The following PKIB variants were observed in gnomAD, a reference collection of about 807,000 sequenced individuals.
PKIB encodes cAMP-dependent protein kinase inhibitor beta.
PKIB carries 2 observed loss-of-function variants against 4.5 expected under a neutral mutation model. The observed-to-expected ratio is 0.44, with a 90% CI of 0.18 to 1.39. PKIB has a LOEUF of 1.39. Ranked by LOEUF, PKIB falls within the 40% of genes most tolerant of loss-of-function variation. The pLI, the probability that PKIB is intolerant of heterozygous loss-of-function variation, is 0.27. For synonymous variants in PKIB, 38 were observed against 36.0 expected, an observed-to-expected ratio of 1.06 and a Z score of -0.20; for missense variants, 94 against 92.6, an observed-to-expected ratio of 1.02 and a Z score of -0.06.
intron 1 of PKIB, among the ~76,000 whole-genome samples, chr6:122,477,347 C>G (rs930172746): frequency 6.6e-6 from 1 of 152,106 alleles, no homozygotes; most frequent in Non-Finnish European, 1.5e-5. Context: ...TTAGATATTT[C>G]AGATAAAGTG....
intron 2 of PKIB, among the ~76,000 whole-genome samples, chr6:122,515,786 GTTCA>G (rs1441601939): frequency 6.6e-6 from 1 of 152,090 alleles, no homozygotes; most frequent in African/African-American, 2.4e-5. Context: ...CGTGATCTTG[GTTCA>G]CTGCAACCTG....
At chr6:122,603,058 C>T (rs559970269) in intron 3 of PKIB, among the ~76,000 whole-genome samples, 20 of 151,764 alleles carry the variant, frequency 1.3e-4, no homozygotes, top group African/African-American at 4.8e-4. Flanking sequence ...CCAGGAACAT[C>T]TCAAAAGCTT....
intron 1 of PKIB, among the ~76,000 whole-genome samples, chr6:122,620,708 C>T (rs1039425424): frequency 6.6e-6 from 1 of 152,044 alleles, no homozygotes; most frequent in African/African-American, 2.4e-5. Flanking sequence ...CTTGTTTGCT[C>T]GTGTTCCTAT....
intron 2 of PKIB, among the ~76,000 whole-genome samples, chr6:122,649,471 G>T (rs1776462302): frequency 6.6e-6 from 1 of 152,166 alleles, no homozygotes; most frequent in Non-Finnish European, 1.5e-5. Flanking sequence ...CAGTCAATTG[G>T]TTGCTGGGAA....
At chr6:122,693,760 G>A (rs1016495848) in intron 3 of PKIB, among the ~76,000 whole-genome samples, 17 of 152,050 alleles carry the variant, frequency 1.1e-4, no homozygotes, top group African/African-American at 3.9e-4. Context: ...CTTGCCTCTC[G>A]GGAGATTTTA....
chr6:122,653,717 T>C (rs917373467), intron 2 of PKIB, among the ~76,000 whole-genome samples: 9 of 151,482 alleles, frequency 5.9e-5, no homozygotes, highest in Non-Finnish European at 1.2e-4. Context: ...TCCCAGCACT[T>C]TGGGAGGTCG....
chr6:122,658,023 C>T (rs1776843193), intron 2 of PKIB, among the ~76,000 whole-genome samples: 1 of 152,160 alleles, frequency 6.6e-6, no homozygotes, highest in South Asian at 2.1e-4. Flanking sequence ...TTAAGATATA[C>T]ACTAAAATTA....
chr6:122,625,351 C>T (rs1169508730), intron 1 of PKIB, among the ~76,000 whole-genome samples: 1 of 152,154 alleles, frequency 6.6e-6, no homozygotes, highest in Non-Finnish European at 1.5e-5. Flanking sequence ...TTTAAATCAA[C>T]TAGTCTAGTT....
intron 2 of PKIB, among the ~76,000 whole-genome samples, chr6:122,584,871 A>AGGG (rs1773806250): frequency 1.3e-5 from 2 of 152,100 alleles, no homozygotes; most frequent in African/African-American, 4.8e-5. Context: ...TAGGTAAAAC[A>AGGG]GGGATGGGGC....
intron 2 of PKIB, among the ~76,000 whole-genome samples, chr6:122,551,874 CTTTTT>C (rs61025863): frequency 0.026 from 2,261 of 87,514 alleles, 74 homozygotes; most frequent in African/African-American, 0.09. Context: ...CTTAGTACAT[CTTTTT>C]TTTTTTTTTT....
intron 2 of PKIB, chr6:122,480,737 C>G (rs1582647126): frequency 6.6e-6 from 1 of 151,986 alleles, no homozygotes; most frequent in East Asian, 1.9e-4. Flanking sequence ...TGGTGTTCAT[C>G]TCCGTTTCTT....
chr6:122,657,331 A>T (rs1178562427), intron 2 of PKIB, among the ~76,000 whole-genome samples: 1 of 152,140 alleles, frequency 6.6e-6, no homozygotes, highest in African/African-American at 2.4e-5. Flanking sequence ...ACATCACCAA[A>T]ATGCTTGGAA....
intron 3 of PKIB, among the ~76,000 whole-genome samples, chr6:122,686,502 A>T (rs185862978): frequency 2.5e-3 from 372 of 150,944 alleles, no homozygotes; most frequent in Non-Finnish European, 2.9e-3. Context: ...ATATATATAT[A>T]TTTTTTATTT....
chr6:122,498,454 C>T (rs983075959), intron 2 of PKIB, among the ~76,000 whole-genome samples: 1 of 152,116 alleles, frequency 6.6e-6, no homozygotes, highest in Non-Finnish European at 1.5e-5. Flanking sequence ...GGTGTGGACA[C>T]AGCCAAACCA....
intron 2 of PKIB, among the ~76,000 whole-genome samples, chr6:122,650,809 G>A (rs1340435748): frequency 6.6e-6 from 1 of 152,114 alleles, no homozygotes; most frequent in African/African-American, 2.4e-5. Context: ...GGTCTTACAT[G>A]ATAAATTTAT....
intron 2 of PKIB, among the ~76,000 whole-genome samples, chr6:122,565,580 G>A (rs1773164480): frequency 6.6e-6 from 1 of 152,118 alleles, no homozygotes; most frequent in African/African-American, 2.4e-5. Flanking sequence ...AGACACATGA[G>A]TCTAAGAGTA....
At chr6:122,712,747 T>TTA (rs1779324072) in intron 3 of PKIB, among the ~76,000 whole-genome samples, 1 of 152,122 alleles carries the variant, frequency 6.6e-6, no homozygotes, top group Non-Finnish European at 1.5e-5. Flanking sequence ...ATAGGGTGAG[T>TTA]GATATGTATC....
chr6:122,561,742 G>A (rs570999985), intron 2 of PKIB, among the ~76,000 whole-genome samples: 4 of 151,806 alleles, frequency 2.6e-5, no homozygotes, highest in Admixed American at 6.6e-5. Context: ...ACCCCTGCTC[G>A]CTTTTGGTGT....
chr6:122,578,751 A>G (rs371194072), intron 2 of PKIB, among the ~76,000 whole-genome samples: 11 of 152,186 alleles, frequency 7.2e-5, no homozygotes, highest in African/African-American at 2.4e-4. Context: ...CCCCACCCAA[A>G]TCTCATCTTG....
Sources: gnomAD v4.1 joint callset for allele counts (sites outside exome capture counted in the v4.1 genomes callset) on GRCh38, gnomAD v4.1.1 for gene constraint, MANE v1.5 for transcripts, NCBI Gene and HGNC (gene_info 2026-07-23, HGNC 2026-07-21) for gene names.